VWA3B: variants seen among roughly 807,000 people sequenced by gnomAD.
The protein encoded by VWA3B is von Willebrand factor A domain containing 3B.
VWA3B carries 138 observed loss-of-function variants against 158.3 expected under a neutral mutation model. The observed-to-expected ratio is 0.87, with a 90% CI of 0.76 to 1.00. The LOEUF is 1.00. Among genes scored for constraint, VWA3B ranks in the 50% least tolerant of loss-of-function variants. The pLI is 0.00. For synonymous variants in VWA3B, 596 were observed against 587.3 expected, an observed-to-expected ratio of 1.01 and a Z score of -0.21; for missense variants, 1,555 against 1,565.1, an observed-to-expected ratio of 0.99 and a Z score of 0.11.
chr2:98,261,901 A>C (rs917362033), intron 21 of VWA3B, among the ~76,000 whole-genome samples: 1 of 151,664 alleles, frequency 6.6e-6, no homozygotes, highest in Non-Finnish European at 1.5e-5. Flanking sequence ...ATCCTGCTGG[A>C]AGTTTTCTGA....
At chr2:98,106,872 C>G (rs191673070) in intron 2 of VWA3B, among the ~76,000 whole-genome samples, 1 of 152,168 alleles carries the variant, frequency 6.6e-6, no homozygotes, top group Non-Finnish European at 1.5e-5. Context: ...TGCTCTGTTA[C>G]GCTGGCTAGA....
intron 14 of VWA3B, among the ~76,000 whole-genome samples, chr2:98,219,849 T>C (rs892520458): frequency 1.3e-5 from 2 of 152,028 alleles, no homozygotes; most frequent in African/African-American, 2.4e-5. Context: ...CAAAGCAGGA[T>C]ATAAAATAGA....
the VWA3B span, among the ~76,000 whole-genome samples, chr2:98,325,449 A>G: frequency 6.6e-6 from 1 of 152,360 alleles, no homozygotes; most frequent in East Asian, 1.9e-4. Context: ...CTCAAAAATT[A>G]GAGCAAAATG....
chr2:98,187,894 C>T (rs758671761), intron 9 of VWA3B, 81 bp from the exon 10 acceptor site: 281 of 1,429,878 alleles, frequency 2.0e-4, no homozygotes, highest in Non-Finnish European at 2.4e-4. Flanking sequence ...CACTTGAATA[C>T]GACAGAGCTT....
the VWA3B span, among the ~76,000 whole-genome samples, chr2:98,326,163 A>T: frequency 1.3e-5 from 2 of 152,214 alleles, no homozygotes; most frequent in African/African-American, 4.8e-5. Flanking sequence ...AACAACATAG[A>T]TAAACCTCTA....
chr2:98,112,599 T>C (rs1434402407), intron 2 of VWA3B, among the ~76,000 whole-genome samples: 1 of 152,132 alleles, frequency 6.6e-6, no homozygotes, highest in Admixed American at 6.5e-5. Flanking sequence ...TATTCTTGTT[T>C]TCAGCTATTG....
chr2:98,203,119 C>T (rs1243765360), intron 12 of VWA3B, among the ~76,000 whole-genome samples: 1 of 152,230 alleles, frequency 6.6e-6, no homozygotes, highest in Admixed American at 6.5e-5. Context: ...GCGTGAGCCA[C>T]CACACCCGGC....
rs141844703 is a variant in VWA3B at position 98,228,606 on chromosome 2, G to C, written c.2150+274G>C. ...CAGACCCAAGCAATGAGAGGGCGGA[G>C]AGGAGCACTGTGTGGGGAAGGAGCT... is the stretch of plus-strand genomic sequence containing the variant. On this transcript the variant is annotated intron_variant, in intron 15 of 27. Transcript: ENST00000477737. 7.6e-3 allele frequency among the ~76,000 whole-genome samples: 1,150 copies of C among 152,276 alleles called. 8 individuals carry two copies. Among genetic ancestry groups the C allele is most frequent in the Admixed American group, 0.015 (234 of 15,298 alleles).
At chr2:98,207,294 G>T in intron 12 of VWA3B, 2 of 488,860 alleles carry the variant, frequency 4.1e-6, no homozygotes, top group South Asian at 1.6e-5. Flanking sequence ...CCACTGTGCT[G>T]CCCCATGCTG....
At chr2:98,185,591 C>T (rs1680973936) in intron 9 of VWA3B, among the ~76,000 whole-genome samples, 1 of 152,212 alleles carries the variant, frequency 6.6e-6, no homozygotes, top group African/African-American at 2.4e-5. Context: ...ACGCTCACTC[C>T]ACTCACTCTC....
At chr2:98,311,774 C>T (rs1363276039) in intron 26 of VWA3B, 45 bp from the exon 27 acceptor site, 1 of 1,506,524 alleles carries the variant, frequency 6.6e-7, no homozygotes, top group Non-Finnish European at 8.9e-7. Context: ...CTGTAGACCC[C>T]GCAGCCATCA....
the VWA3B span, among the ~76,000 whole-genome samples, chr2:98,327,349 G>A: frequency 8.6e-5 from 13 of 152,022 alleles, no homozygotes; most frequent in African/African-American, 3.1e-4. Flanking sequence ...GAAAATAAGG[G>A]AGAAGGTAAC....
chr2:98,216,736 T>C lies in VWA3B; in HGVS notation c.1837-1110T>C, dbSNP rs1259911101. ...GCAAATAAAATGTACTCAACAAATATTTGTGGAATGCCTTCCAGGGAACAT... is the reference window on the plus strand; with the variant it reads ...GCAAATAAAATGTACTCAACAAATACTTGTGGAATGCCTTCCAGGGAACAT... On this transcript the variant is annotated intron_variant, in intron 13 of 27. Coordinates refer to ENST00000477737, the MANE Select transcript of VWA3B (RefSeq NM_144992.5). The C allele has an allele frequency of 1.1e-5, 5 of 474,724 alleles. No homozygotes were observed. The Admixed American group carries it at 1.2e-4, about 11-fold the overall frequency. The allele number at this position is 474,724 out of a possible 1,614,324, so 29.4% of individuals were successfully genotyped here. A position where few individuals can be genotyped will look rare whatever the true frequency, so the allele number is the denominator to read the frequency against.
At chr2:98,189,533 G>GA (rs747908756) in intron 10 of VWA3B, among the ~76,000 whole-genome samples, 30 of 148,688 alleles carry the variant, frequency 2.0e-4, no homozygotes, top group Admixed American at 8.0e-4. Flanking sequence ...ACAGATTTTG[G>GA]AAAAAAAAAA....
At chr2:98,109,791 TC>T (rs1252028371) in intron 2 of VWA3B, among the ~76,000 whole-genome samples, 1 of 151,428 alleles carries the variant, frequency 6.6e-6, no homozygotes, top group Non-Finnish European at 1.5e-5. Flanking sequence ...GGTTGATAGT[TC>T]TTTTTTTTTT....
chr2:98,179,798 C>CTT (rs70940113), intron 8 of VWA3B, among the ~76,000 whole-genome samples: 36,658 of 114,778 alleles, frequency 0.32, 6,212 homozygotes, highest in East Asian at 0.62. Context: ...TTCTTTCTTT[C>CTT]TTTCTTTCTT....
In VWA3B at chr2:98,300,219, A is replaced by T. The variant is rs567892976; in HGVS notation, c.3420+3A>T. ...TTTTGAAGTGTAACAACCGGAGAGT[A>T]AGTAGATTTTCATTTAGAAAAGGAC... On this transcript the variant is annotated splice_donor_region_variant and intron_variant, in intron 25 of 27. Transcript: ENST00000477737. 1.9e-6 allele frequency: 3 copies of T among 1,613,886 alleles called. No individual in the cohort carries two copies. Among genetic ancestry groups the T allele is most frequent in the Admixed American group, 3.3e-5 (2 of 59,990 alleles).
intron 5 of VWA3B, 78 bp downstream of exon 5, chr2:98,121,536 C>T (rs754739076): frequency 3.2e-5 from 50 of 1,548,590 alleles, no homozygotes; most frequent in South Asian, 5.8e-5. Context: ...TGACTTTACA[C>T]GGCCCTTCAA....
chr2:98,242,191 G>A (rs993037786), intron 19 of VWA3B: 2 of 455,462 alleles, frequency 4.4e-6, no homozygotes, highest in Non-Finnish European at 8.8e-6. Context: ...CCAGCTCTTT[G>A]TTTCATTCAT....
Sources: allele counts gnomAD v4.1 joint callset (sites outside exome capture counted in the v4.1 genomes callset), GRCh38; gene constraint gnomAD v4.1.1; transcripts MANE v1.5; gene names NCBI Gene and HGNC (gene_info 2026-07-23, HGNC 2026-07-21).